Variants in COL4A5 observed in about 807,000 individuals in gnomAD.
The protein encoded by COL4A5 is collagen type IV alpha 5 chain.
In COL4A5, 26 loss-of-function variants were observed where a neutral mutation model predicts 130.2. That is an observed-to-expected ratio of 0.20 (90% CI 0.15 to 0.28). COL4A5 has a LOEUF of 0.28. Among genes scored for constraint, COL4A5 ranks in the 10% least tolerant of loss-of-function variants. The pLI, the probability that COL4A5 is intolerant of heterozygous loss-of-function variation, is 1.00. For synonymous variants in COL4A5, 496 were observed against 439.6 expected, an observed-to-expected ratio of 1.13 and a Z score of -1.60; for missense variants, 1,131 against 1,344.3, an observed-to-expected ratio of 0.84 and a Z score of 2.48.
chrX:108,692,261 T>C (rs2068649877), intron 49 of COL4A5, among the ~76,000 whole-genome samples: 1 of 111,228 alleles, frequency 9.0e-6, no homozygotes, highest in South Asian at 3.8e-4. Flanking sequence ...TTTTTACGTA[T>C]TCTTCAAACC....
intron 1 of COL4A5, among the ~76,000 whole-genome samples, chrX:108,450,833 A>ATTTTTAT (rs1175968433): frequency 1.8e-5 from 2 of 110,490 alleles, no homozygotes; most frequent in East Asian, 5.7e-4. Context: ...TAGTTTTTTT[A>ATTTTTAT]TTTTTATTTT....
chrX:108,474,541 A>C (rs1364983218), intron 1 of COL4A5, among the ~76,000 whole-genome samples: 1 of 112,240 alleles, frequency 8.9e-6, no homozygotes, highest in Non-Finnish European at 1.9e-5. Context: ...ATTTCTCAGA[A>C]CATATCCCCA....
At chrX:108,637,183 C>T (rs750140551) in intron 36 of COL4A5, among the ~76,000 whole-genome samples, 3 of 110,029 alleles carry the variant, frequency 2.7e-5, no homozygotes, top group South Asian at 7.8e-4. Flanking sequence ...ATCCACCCTC[C>T]TTGGCCTCCC....
intron 25 of COL4A5, among the ~76,000 whole-genome samples, chrX:108,600,743 A>G (rs776905550): frequency 9.0e-6 from 1 of 110,586 alleles, no homozygotes; most frequent in South Asian, 3.9e-4. Context: ...AGGCTGAGAA[A>G]TCCCACAGTA....
intron 13 of COL4A5, among the ~76,000 whole-genome samples, chrX:108,579,255 A>G (rs779116810): frequency 8.0e-5 from 9 of 112,441 alleles, no homozygotes; most frequent in Non-Finnish European, 1.3e-4. Context: ...TATTTCATAT[A>G]AATGGAATCA....
intron 29 of COL4A5, among the ~76,000 whole-genome samples, chrX:108,611,020 T>C (rs755480399): frequency 8.3e-4 from 92 of 110,951 alleles, no homozygotes; most frequent in Non-Finnish European, 1.6e-3. Flanking sequence ...ACTAATATTT[T>C]GGATCAGTAG....
chrX:108,478,544 T>C (rs1378683091), intron 1 of COL4A5, among the ~76,000 whole-genome samples: 1 of 111,528 alleles, frequency 9.0e-6, no homozygotes, highest in Admixed American at 9.5e-5. Flanking sequence ...AGCTCTGCAA[T>C]GTATTGTCAC....
chrX:108,649,390 G>T (rs1273889592), intron 36 of COL4A5, among the ~76,000 whole-genome samples: 1 of 111,576 alleles, frequency 9.0e-6, no homozygotes, highest in African/African-American at 3.3e-5. Flanking sequence ...ATTCTTCACA[G>T]AATTAGAAAA....
At chrX:108,560,424 C>G (rs186474107) in intron 3 of COL4A5, among the ~76,000 whole-genome samples, 3 of 112,597 alleles carry the variant, frequency 2.7e-5, no homozygotes, top group African/African-American at 9.7e-5. Flanking sequence ...GGAGTTGAGG[C>G]TAGTCTGTTT....
chrX:108,528,657 T>C (rs996157657), intron 1 of COL4A5, among the ~76,000 whole-genome samples: 1 of 112,258 alleles, frequency 8.9e-6, no homozygotes, highest in Non-Finnish European at 1.9e-5. Context: ...GAATGAACAA[T>C]ATTACTAAAG....
chrX:108,669,169 C>T (rs2068146285), intron 41 of COL4A5, among the ~76,000 whole-genome samples: 1 of 111,763 alleles, frequency 8.9e-6, no homozygotes, highest in South Asian at 3.7e-4. Flanking sequence ...TGTGCTGTGT[C>T]ATTTCATTTT....
intron 2 of COL4A5, among the ~76,000 whole-genome samples, chrX:108,549,097 CTA>C (rs1284030296): frequency 2.7e-5 from 3 of 111,528 alleles, no homozygotes; most frequent in Non-Finnish European, 5.7e-5. Flanking sequence ...CTCTTTTCCT[CTA>C]TTTATTTAAC....
At chrX:108,510,864 C>CA (rs59951631) in intron 1 of COL4A5, among the ~76,000 whole-genome samples, 4 of 110,605 alleles carry the variant, frequency 3.6e-5, no homozygotes, top group African/African-American at 1.3e-4. Context: ...TTTTAATTGA[C>CA]AATAATTGCA....
intron 42 of COL4A5, among the ~76,000 whole-genome samples, chrX:108,671,226 T>C (rs1462226941): frequency 8.9e-6 from 1 of 112,233 alleles, no homozygotes; most frequent in Non-Finnish European, 1.9e-5. Flanking sequence ...TTTGAATGTA[T>C]TTATTGTTAT....
At position 108,597,080 on chromosome X, in the gene COL4A5, G is replaced by A. The variant is rs1311059217; in HGVS notation, c.1587+12G>A. On this transcript the variant is annotated intron_variant, in intron 23 of 52. Coordinates refer to ENST00000328300, the MANE Select transcript of COL4A5 (RefSeq NM_033380.3). ...CCAAAGGATTACCAGTAAGTTTTGA[G>A]TATATTATAAAACAAAAAGAAGTAG... The A allele has an allele frequency of 2.6e-6, 3 of 1,173,096 alleles. No individual in the cohort carries two copies. The highest frequency in any genetic ancestry group is 4.6e-5 in the Admixed American group (2 of 43,474).
chrX:108,528,606 C>T (rs929313043), intron 1 of COL4A5, among the ~76,000 whole-genome samples: 46 of 111,095 alleles, frequency 4.1e-4, no homozygotes, highest in African/African-American at 1.3e-3. Context: ...AAGATAATTC[C>T]GAAAAACAAT....
intron 19 of COL4A5, among the ~76,000 whole-genome samples, chrX:108,590,150 T>G (rs1014271354): frequency 1.8e-5 from 2 of 111,243 alleles, no homozygotes; most frequent in Admixed American, 9.6e-5. Context: ...AGAAATAATT[T>G]CAGTTATTCA....
chrX:108,682,012 C>T lies in COL4A5; in HGVS notation c.4216+124C>T, dbSNP rs1603318346. 6.2e-6 allele frequency: 4 copies of T among 642,820 alleles called. No individual in the cohort carries two copies. The East Asian group carries it at 1.5e-4, about 24-fold the overall frequency. 53.0% of individuals were successfully genotyped at this position (642,820 alleles called of 1,213,427 possible). ...ATGGTGGTTTGCTGCACCTATCAAC[C>T]CATCATCTACGTTAGATATTTCTCC... is the stretch of plus-strand genomic sequence containing the variant. On this transcript the variant is annotated intron_variant, in intron 47 of 52. Coordinates refer to ENST00000328300, the MANE Select transcript of COL4A5 (RefSeq NM_033380.3).
At chrX:108,582,764 G>A in intron 16 of COL4A5, 120 bp from the exon 17 acceptor site, 2 of 455,216 alleles carry the variant, frequency 4.4e-6, no homozygotes, top group Middle Eastern at 4.0e-4. Context: ...AGTTCTGAAA[G>A]TTAATTCTGA....
Sources: gnomAD v4.1 joint callset for allele counts (sites outside exome capture counted in the v4.1 genomes callset) on GRCh38, gnomAD v4.1.1 for gene constraint, MANE v1.5 for transcripts, NCBI Gene and HGNC (gene_info 2026-07-23, HGNC 2026-07-21) for gene names.